The following PREX2 variants were observed in gnomAD, a reference collection of about 807,000 sequenced individuals.
The protein encoded by PREX2 is phosphatidylinositol 3,4,5-trisphosphate-dependent Rac exchanger 2 protein.
A neutral mutation model predicts 203.2 loss-of-function variants in PREX2; 107 were observed. That is an observed-to-expected ratio of 0.53 (90% confidence interval 0.45 to 0.62). The LOEUF is 0.62. PREX2 is among the 20% of genes least tolerant of loss of function. PREX2 has a pLI of 0.00. For missense variants in PREX2, 1,777 were observed against 1,955.9 expected (o/e 0.91, Z 1.72); for synonymous variants, 672 against 663.6 (o/e 1.01, Z -0.19).
At chr8:68,005,985 T>G (rs1807082335) in intron 1 of PREX2, among the ~76,000 whole-genome samples, 1 of 152,256 alleles carries the variant, frequency 6.6e-6, no homozygotes, top group African/African-American at 2.4e-5. Flanking sequence ...TGCATTAGTT[T>G]CCCAGTGGGA....
intron 1 of PREX2, among the ~76,000 whole-genome samples, chr8:67,964,612 T>TCTCA (rs1805717065): frequency 1.3e-5 from 2 of 152,198 alleles, no homozygotes; most frequent in Admixed American, 1.3e-4. Flanking sequence ...GCTCCAGAGC[T>TCTCA]CTCAAGGTTG....
At chr8:68,100,809 T>C (rs1050356193) in intron 23 of PREX2, among the ~76,000 whole-genome samples, 1 of 152,168 alleles carries the variant, frequency 6.6e-6, no homozygotes, top group African/African-American at 2.4e-5. Context: ...TGATTTAGGC[T>C]TTTGAAAGAT....
intron 33 of PREX2, among the ~76,000 whole-genome samples, chr8:68,142,592 A>C (rs1222461033): frequency 6.6e-6 from 1 of 152,146 alleles, no homozygotes; most frequent in East Asian, 1.9e-4. Flanking sequence ...ATAAACACAC[A>C]TGTGCAGGTT....
chr8:68,051,582 A>G (rs1015474048), intron 8 of PREX2, among the ~76,000 whole-genome samples: 5 of 152,098 alleles, frequency 3.3e-5, no homozygotes, highest in African/African-American at 1.2e-4. Flanking sequence ...GGTTATTTTT[A>G]TAGATATTAA....
At chr8:68,165,982 C>T (rs1170314849) in intron 35 of PREX2, among the ~76,000 whole-genome samples, 3 of 152,092 alleles carry the variant, frequency 2.0e-5, no homozygotes, top group Non-Finnish European at 4.4e-5. Flanking sequence ...CTGTGTAAAA[C>T]CAGACCACTG....
At chr8:68,223,569 G>T in intron 38 of PREX2, among the ~76,000 whole-genome samples, 1 of 149,316 alleles carries the variant, frequency 6.7e-6, no homozygotes, top group East Asian at 2.0e-4. Context: ...TCTTTCCTTA[G>T]TTCAGAATGT....
intron 35 of PREX2, among the ~76,000 whole-genome samples, chr8:68,169,137 T>C (rs530367005): frequency 6.6e-6 from 1 of 152,270 alleles, no homozygotes; most frequent in South Asian, 2.1e-4. Flanking sequence ...CTTTCCTCTG[T>C]GTGGCCTTCC....
In PREX2 at chr8:68,099,786, T is replaced by C. The variant is rs141715219; in HGVS notation, c.2658T>C (p.Ser886=). Residue 886 remains serine (S), a synonymous_variant, in exon 23 of 40, where the codon AGT becomes AGC. Transcript: ENST00000288368. ...CTACTGACCTTCAGAGTAAATTCAG[T>C]GCCCTTTGCAGTGAAAGAATTGAAC... ...VIPTDLQSKF[S]ALCSERIEHL... is the part of the protein sequence containing the mutation. The C allele has an allele frequency of 5.2e-4, 840 of 1,613,558 alleles. 2 individuals carry two copies. The Middle Eastern group carries it at 0.01, about 20-fold the overall frequency.
At chr8:68,060,926 CA>C in intron 11 of PREX2, 147 bp downstream of exon 11, 1 of 591,642 alleles carries the variant, frequency 1.7e-6, no homozygotes, top group South Asian at 2.2e-5. Context: ...AAGTGTAGAA[CA>C]GTGTCTCAGG....
rs577069262 is a variant in PREX2, at chr8:67,952,354, C to G, written c.-41C>G. On this transcript the variant is annotated 5_prime_UTR_variant, in exon 1 of 40. Coordinates refer to ENST00000288368, the MANE Select transcript of PREX2 (RefSeq NM_024870.4). ...AGCAGCGGGCGCGCGGGTCAGCGCT[C>G]AGCACGGCGGGCAGCGCCGCGCTGC... 4.1e-6 allele frequency: 6 copies of G among 1,468,586 alleles called. No homozygotes were observed. The East Asian group carries it at 1.5e-4, about 36-fold the overall frequency. The allele number at this position is 1,468,586 out of a possible 1,614,324, so 91.0% of individuals were successfully genotyped here. A position where few individuals can be genotyped will look rare whatever the true frequency, so the allele number is the denominator to read the frequency against.
intron 20 of PREX2, among the ~76,000 whole-genome samples, chr8:68,092,047 T>C (rs1247782715): frequency 6.6e-6 from 1 of 152,178 alleles, no homozygotes; most frequent in Admixed American, 6.5e-5. Context: ...GGGACCCGAC[T>C]TTTGCTTCCC....
intron 39 of PREX2, among the ~76,000 whole-genome samples, chr8:68,230,349 A>G (rs1238304931): frequency 6.6e-6 from 1 of 152,204 alleles, no homozygotes; most frequent in Non-Finnish European, 1.5e-5. Context: ...AAAAGATGCC[A>G]TGTGGAAATC....
At chr8:68,179,769 T>C (rs1024333892) in intron 35 of PREX2, among the ~76,000 whole-genome samples, 3 of 152,200 alleles carry the variant, frequency 2.0e-5, no homozygotes, top group Non-Finnish European at 4.4e-5. Flanking sequence ...CTGAAAGTAT[T>C]AAGAACACAT....
rs1288481805 is a variant in PREX2 at position 68,119,560 on chromosome 8, G to A, written c.3504+46G>A. ...GGCTTTTGTTCCACAACTAAACTGTGAGGAGTCCCTTTTTCATATGCAGTA... is the reference window on the plus strand; with the variant it reads ...GGCTTTTGTTCCACAACTAAACTGTAAGGAGTCCCTTTTTCATATGCAGTA... On this transcript the variant is annotated intron_variant, in intron 28 of 39. Transcript: ENST00000288368. The A allele has an allele frequency of 2.2e-6, 3 of 1,382,468 alleles. No homozygotes were observed. The South Asian group carries it at 3.5e-5, about 16-fold the overall frequency. The allele number at this position is 1,382,468 out of a possible 1,614,324, so 85.6% of individuals were successfully genotyped here. A position where few individuals can be genotyped will look rare whatever the true frequency, so the allele number is the denominator to read the frequency against.
chr8:68,016,982 T>G (rs1000374356), intron 1 of PREX2, among the ~76,000 whole-genome samples: 1 of 152,182 alleles, frequency 6.6e-6, no homozygotes, highest in African/African-American at 2.4e-5. Context: ...CATTTTATAC[T>G]CTTATTAGCC....
At chr8:68,070,567 A>C (rs1367415034) in intron 13 of PREX2, among the ~76,000 whole-genome samples, 1 of 152,130 alleles carries the variant, frequency 6.6e-6, no homozygotes, top group Non-Finnish European at 1.5e-5. Context: ...GATATACCTT[A>C]ACTGATAGAA....
chr8:68,187,301 T>C (rs1330938208), intron 35 of PREX2, among the ~76,000 whole-genome samples: 1 of 152,152 alleles, frequency 6.6e-6, no homozygotes, highest in Non-Finnish European at 1.5e-5. Flanking sequence ...TTACATAGAT[T>C]CCAAATATCT....
rs766302047 is a variant in PREX2, at chr8:68,118,678, G to C, written c.3421+34G>C. 9 of 1,405,740 alleles carry C rather than the reference G, an allele frequency of 6.4e-6. No homozygotes were observed. The East Asian group carries it at 1.8e-4, about 28-fold the overall frequency. 87.1% of individuals were successfully genotyped at this position (1,405,740 alleles called of 1,614,324 possible). A position where few individuals can be genotyped will look rare whatever the true frequency, so the allele number is the denominator to read the frequency against. On this transcript the variant is annotated intron_variant, in intron 27 of 39. Transcript: ENST00000288368. ...GTTGGTGAAGGCCTGTGGGCTTTTT[G>C]ATATTAGTCCTATAGGAGATAACTT...
At chr8:68,196,730 C>A (rs903548070) in intron 37 of PREX2, among the ~76,000 whole-genome samples, 4 of 150,918 alleles carry the variant, frequency 2.7e-5, no homozygotes, top group Non-Finnish European at 5.9e-5. Flanking sequence ...CACCTCCCCC[C>A]CCCAACTCTC....
Sources: gnomAD v4.1 joint callset for allele counts (sites outside exome capture counted in the v4.1 genomes callset) on GRCh38, gnomAD v4.1.1 for gene constraint, MANE v1.5 for transcripts, NCBI Gene and HGNC (gene_info 2026-07-23, HGNC 2026-07-21) for gene names.